RYR2: variants seen among roughly 807,000 people sequenced by gnomAD.
The protein encoded by RYR2 is ryanodine receptor 2.
Under a neutral mutation model 601.1 loss-of-function variants are expected in RYR2, and 227 were observed. That is an observed-to-expected ratio of 0.38 (90% CI 0.34 to 0.42). The LOEUF is 0.42. RYR2 is among the 10% of genes least tolerant of loss of function. RYR2 has a pLI of 1.00. For missense variants in RYR2, 4,646 were observed against 6,156.5 expected, an observed-to-expected ratio of 0.75 and a Z score of 8.21; for synonymous variants, 2,223 against 2,175.1, an observed-to-expected ratio of 1.02 and a Z score of -0.61.
intron 20 of RYR2, 101 bp downstream of exon 20, chr1:237,496,853 A>G (rs911505788): frequency 4.0e-5 from 54 of 1,354,444 alleles, no homozygotes; most frequent in Non-Finnish European, 5.1e-5. Flanking sequence ...TCTATAGGGT[A>G]TTAATTATTC....
In RYR2 at chr1:237,422,395, T is replaced by C. The variant is rs373576458; in HGVS notation, c.849-697T>C. ...AACATTCAGTATCCTTCAAAGCAAA[T>C]TTTTAATGATCATAACTTATCATTT... On this transcript the variant is annotated intron_variant, in intron 11 of 104. Coordinates refer to ENST00000366574, the MANE Select transcript of RYR2 (RefSeq NM_001035.3). 6.6e-5 allele frequency among the ~76,000 whole-genome samples: 10 copies of C among 152,300 alleles called. No individual in the cohort carries two copies. The East Asian group carries it at 1.3e-3, about 21-fold the overall frequency.
chr1:237,547,545 T>C (rs911622172), intron 25 of RYR2, among the ~76,000 whole-genome samples: 1 of 152,144 alleles, frequency 6.6e-6, no homozygotes, highest in Non-Finnish European at 1.5e-5. Context: ...CCTCAAGGTA[T>C]AGTCAATAAT....
intron 80 of RYR2, among the ~76,000 whole-genome samples, chr1:237,754,461 A>T (rs1692780559): frequency 6.6e-6 from 1 of 152,172 alleles, no homozygotes; most frequent in South Asian, 2.1e-4. Flanking sequence ...AGTGTGTGGC[A>T]TGTTGCCATC....
intron 84 of RYR2, among the ~76,000 whole-genome samples, chr1:237,767,043 CT>C (rs991006633): frequency 1.3e-4 from 12 of 89,750 alleles, no homozygotes; most frequent in Middle Eastern, 5.1e-3. Context: ...CTTCAAAGCA[CT>C]TTTAATTGTT....
At position 237,706,994 on chromosome 1, in the gene RYR2, C is replaced by CAA; in HGVS notation, c.9626_9627insAA (p.Glu3212TrpfsTer11). On this transcript the variant is annotated frameshift_variant, in exon 68 of 105. Transcript: ENST00000366574. LOFTEE classifies it high-confidence loss of function. ...GTGGAAGATGTTTGTCCAAACATAC[C>CAA]GTCTTTGGAGAAACTCATGGAAGAA... 1.2e-6 allele frequency: 2 copies of CAA among 1,613,704 alleles called. No individual in the cohort carries two copies. The highest frequency in any genetic ancestry group is 1.7e-6 in the Non-Finnish European group (2 of 1,179,748).
In RYR2 at chr1:237,231,389, G is replaced by A. The variant is rs1684985524; in HGVS notation, c.49-39108G>A. ...TTGCCCAGACTGGTCTTGAATTCCT[G>A]GGCTTAAGCGATCCTCCTGCCTCTG... On this transcript the variant is annotated intron_variant, in intron 1 of 104. Transcript: ENST00000366574. 2.0e-5 allele frequency among the ~76,000 whole-genome samples: 3 copies of A among 149,882 alleles called. No homozygotes were observed. In the South Asian group the frequency reaches 6.3e-4, roughly 32 times the overall value.
intron 62 of RYR2, among the ~76,000 whole-genome samples, chr1:237,684,351 C>T (rs906344537): frequency 1.3e-5 from 2 of 151,970 alleles, no homozygotes; most frequent in Admixed American, 6.6e-5. Context: ...GAACTACAGC[C>T]AAGTAGACAC....
intron 3 of RYR2, among the ~76,000 whole-genome samples, chr1:237,337,913 G>T (rs1296192597): frequency 2.0e-5 from 3 of 152,160 alleles, no homozygotes; most frequent in Non-Finnish European, 2.9e-5. Flanking sequence ...AGCGTTAGAG[G>T]TCACAAGTCT....
chr1:237,269,333 G>A (rs1421618957), intron 1 of RYR2, among the ~76,000 whole-genome samples: 1 of 151,390 alleles, frequency 6.6e-6, no homozygotes, highest in African/African-American at 2.4e-5. Flanking sequence ...GTGAGCCACC[G>A]CGCCCGGCCA....
intron 27 of RYR2, among the ~76,000 whole-genome samples, chr1:237,565,831 TC>T (rs770295639): frequency 4.6e-5 from 7 of 152,288 alleles, no homozygotes; most frequent in South Asian, 2.1e-4. Flanking sequence ...TTCTGAGACT[TC>T]CCCCTCTCGT....
At chr1:237,188,655 T>C (rs2148987504) in intron 1 of RYR2, among the ~76,000 whole-genome samples, 1 of 152,214 alleles carries the variant, frequency 6.6e-6, no homozygotes, top group East Asian at 1.9e-4. Context: ...AACCTCTACC[T>C]CCCAGGTTCA....
chr1:237,693,051 G>T (rs1175134126), intron 63 of RYR2, among the ~76,000 whole-genome samples: 1 of 152,132 alleles, frequency 6.6e-6, no homozygotes, highest in Non-Finnish European at 1.5e-5. Flanking sequence ...TAATAGAGAA[G>T]GTAGATAAGT....
chr1:237,803,454 C>T (rs923458747), intron 98 of RYR2, among the ~76,000 whole-genome samples: 6 of 152,166 alleles, frequency 3.9e-5, no homozygotes, highest in Non-Finnish European at 5.9e-5. Flanking sequence ...GCGCCCGCCA[C>T]CACGCCCGGC....
chr1:237,790,725 T>C (rs1226492488), intron 92 of RYR2, among the ~76,000 whole-genome samples: 1 of 152,140 alleles, frequency 6.6e-6, no homozygotes, highest in East Asian at 1.9e-4. Flanking sequence ...AGAGTGATGC[T>C]ACAGAAAAGA....
chr1:237,712,682 G>A (rs115635360), intron 71 of RYR2, among the ~76,000 whole-genome samples: 3,442 of 152,170 alleles, frequency 0.023, 146 homozygotes, highest in African/African-American at 0.078. Context: ...AAATAAATTC[G>A]CTGCATTATT....
At chr1:237,573,165 A>G (rs951814353) in intron 29 of RYR2, among the ~76,000 whole-genome samples, 14 of 152,106 alleles carry the variant, frequency 9.2e-5, no homozygotes, top group South Asian at 2.1e-4. Flanking sequence ...TCATTTATAC[A>G]CTGACTATTA....
intron 56 of RYR2, among the ~76,000 whole-genome samples, chr1:237,661,732 C>T (rs757944363): frequency 1.3e-5 from 2 of 152,076 alleles, no homozygotes; most frequent in Non-Finnish European, 2.9e-5. Flanking sequence ...TACAGCCACA[C>T]AGGCAGAGCA....
At chr1:237,246,140 A>G (rs1283765397) in intron 1 of RYR2, among the ~76,000 whole-genome samples, 5 of 138,998 alleles carry the variant, frequency 3.6e-5, no homozygotes, top group East Asian at 4.4e-4. Flanking sequence ...CTTTCGCCCG[A>G]GCTGGAGTGC....
At chr1:237,764,082 A>T (rs2149287415) in intron 84 of RYR2, among the ~76,000 whole-genome samples, 1 of 152,342 alleles carries the variant, frequency 6.6e-6, no homozygotes, top group Middle Eastern at 3.4e-3. Context: ...TATTAAGCTA[A>T]GTCTCTTCCT....
Sources: gnomAD v4.1 joint callset for allele counts (sites outside exome capture counted in the v4.1 genomes callset) on GRCh38, gnomAD v4.1.1 for gene constraint, MANE v1.5 for transcripts, NCBI Gene and HGNC (gene_info 2026-07-23, HGNC 2026-07-21) for gene names.